The following ASIC2 variants were observed in gnomAD, a reference collection of about 807,000 sequenced individuals.
ASIC2 encodes the protein acid-sensing ion channel 2.
Under a neutral mutation model 57.3 loss-of-function variants are expected in ASIC2, and 25 were observed. The observed-to-expected ratio is 0.44, with a 90% CI of 0.32 to 0.61. The LOEUF (loss-of-function observed/expected upper bound fraction) is 0.61. Ranked by LOEUF, ASIC2 falls within the 20% of genes least tolerant of loss-of-function variation. The pLI is 0.06. For missense variants in ASIC2, 641 were observed against 738.1 expected (o/e 0.87, Z 1.52); for synonymous variants, 319 against 307.5 (o/e 1.04, Z -0.39).
chr17:33,692,934 T>A (rs984966598), intron 1 of ASIC2, among the ~76,000 whole-genome samples: 1 of 152,224 alleles, frequency 6.6e-6, no homozygotes, highest in Non-Finnish European at 1.5e-5. Context: ...TATATGTAAA[T>A]CAATCGCATA....
chr17:34,004,846 T>G (rs903654508), intron 1 of ASIC2: 1 of 151,224 alleles, frequency 6.6e-6, no homozygotes, highest in African/African-American at 2.4e-5. Flanking sequence ...CCTTACTTTA[T>G]AGCTAACTCT....
intron 1 of ASIC2, among the ~76,000 whole-genome samples, chr17:34,093,703 T>TCAG (rs1427468410): frequency 6.6e-6 from 1 of 152,236 alleles, no homozygotes; most frequent in Admixed American, 6.5e-5. Context: ...CTGGATGTCT[T>TCAG]CAGTCCCCCA....
intron 1 of ASIC2, chr17:33,932,707 T>G: frequency 9.7e-6 from 1 of 102,912 alleles, no homozygotes; most frequent in Non-Finnish European, 1.9e-5. Flanking sequence ...AAGCGAAACT[T>G]TGTTTCAAAA....
intron 1 of ASIC2, among the ~76,000 whole-genome samples, chr17:34,042,461 C>A (rs1050695995): frequency 6.6e-6 from 1 of 151,512 alleles, no homozygotes; most frequent in Non-Finnish European, 1.5e-5. Flanking sequence ...AAACAGCACA[C>A]GTTGTATGAT....
chr17:34,114,028 T>C (rs982012127), intron 1 of ASIC2, among the ~76,000 whole-genome samples: 1 of 152,188 alleles, frequency 6.6e-6, no homozygotes, highest in Non-Finnish European at 1.5e-5. Context: ...GAGCACTTAC[T>C]ATAGTCTAGA....
At chr17:33,421,565 T>C (rs556004371) in intron 1 of ASIC2, among the ~76,000 whole-genome samples, 1 of 152,294 alleles carries the variant, frequency 6.6e-6, no homozygotes, top group African/African-American at 2.4e-5. Context: ...TTGGGTAGAA[T>C]GGGTGCAGCA....
chr17:33,450,648 T>C (rs988373202), intron 1 of ASIC2, among the ~76,000 whole-genome samples: 14 of 152,220 alleles, frequency 9.2e-5, no homozygotes, highest in Admixed American at 9.2e-4. Flanking sequence ...GTTGAGATAG[T>C]AAATTTTATG....
At chr17:33,221,501 T>G (rs1907690538) in intron 1 of ASIC2, among the ~76,000 whole-genome samples, 1 of 152,178 alleles carries the variant, frequency 6.6e-6, no homozygotes, top group South Asian at 2.1e-4. Flanking sequence ...ATCTAACTGA[T>G]GAGAGTTTGT....
At chr17:33,694,116 T>C (rs1908455436) in intron 1 of ASIC2, among the ~76,000 whole-genome samples, 1 of 152,194 alleles carries the variant, frequency 6.6e-6, no homozygotes, top group African/African-American at 2.4e-5. Context: ...GGCTCTGTGA[T>C]TACTTTCCAG....
At chr17:33,541,996 A>G (rs963058905) in intron 1 of ASIC2, among the ~76,000 whole-genome samples, 1 of 152,210 alleles carries the variant, frequency 6.6e-6, no homozygotes, top group Non-Finnish European at 1.5e-5. Context: ...GAAAGTTTCT[A>G]TCTCATAAGG....
intron 1 of ASIC2, among the ~76,000 whole-genome samples, chr17:33,587,354 G>A (rs1904672942): frequency 6.6e-6 from 1 of 152,160 alleles, no homozygotes; most frequent in Non-Finnish European, 1.5e-5. Flanking sequence ...CAGTTCAGTG[G>A]CTCAGTGATG....
chr17:33,875,348 C>T (rs771633861), intron 1 of ASIC2, among the ~76,000 whole-genome samples: 3 of 152,204 alleles, frequency 2.0e-5, no homozygotes, highest in Admixed American at 6.5e-5. Flanking sequence ...TCACCCAGAT[C>T]GCCATCCCAG....
chr17:33,218,665 A>G (rs778008280), intron 1 of ASIC2, among the ~76,000 whole-genome samples: 11 of 152,108 alleles, frequency 7.2e-5, no homozygotes, highest in Non-Finnish European at 1.0e-4. Context: ...ACTCTATCCT[A>G]TGGTTTGTGG....
intron 1 of ASIC2, chr17:34,004,160 GAGA>G (rs1263749799): frequency 6.6e-6 from 1 of 152,140 alleles, no homozygotes. Context: ...TTGATAAAAG[GAGA>G]AGGAGTAAAG....
intron 1 of ASIC2, among the ~76,000 whole-genome samples, chr17:33,662,966 G>C (rs563417280): frequency 1.3e-5 from 2 of 152,288 alleles, no homozygotes; most frequent in East Asian, 3.9e-4. Context: ...GAAATGTAAA[G>C]GGGAAGACCT....
chr17:33,877,724 C>A (rs2141936850), intron 1 of ASIC2, among the ~76,000 whole-genome samples: 1 of 152,358 alleles, frequency 6.6e-6, no homozygotes, highest in South Asian at 2.1e-4. Flanking sequence ...CCTCTGCAGA[C>A]TTAAATGTCC....
At chr17:33,948,740 CA>C (rs1412397490) in intron 1 of ASIC2, among the ~76,000 whole-genome samples, 1 of 152,218 alleles carries the variant, frequency 6.6e-6, no homozygotes, top group Non-Finnish European at 1.5e-5. Flanking sequence ...GGAAGATTGT[CA>C]ATGCCTACCT....
rs1340230591 is a variant in ASIC2 at position 33,566,414 on chromosome 17, CAG to C, written c.556-454349_556-454348del. On this transcript the variant is annotated intron_variant, in intron 1 of 9. Coordinates refer to the ASIC2 transcript ENST00000359872. ...TGAACCAGGCAGGAACACCCAGCTC[CAG>C]AGAGAATCATCTGGGCTGCCAGCTG... 4.6e-5 allele frequency among the ~76,000 whole-genome samples: 7 copies of C among 152,300 alleles called. No homozygotes were observed. In the East Asian group the frequency reaches 1.4e-3, roughly 29 times the overall value.
intron 1 of ASIC2, among the ~76,000 whole-genome samples, chr17:34,127,164 A>C (rs1435580866): frequency 6.6e-6 from 1 of 152,136 alleles, no homozygotes; most frequent in African/African-American, 2.4e-5. Context: ...TTTCGTTATG[A>C]GTAAGTTTTC....
Sources: allele counts gnomAD v4.1 joint callset (sites outside exome capture counted in the v4.1 genomes callset), GRCh38; gene constraint gnomAD v4.1.1; transcripts MANE v1.5; gene names NCBI Gene and HGNC (gene_info 2026-07-23, HGNC 2026-07-21).